SLC24A4: variants seen among roughly 807,000 people sequenced by gnomAD.
SLC24A4 encodes sodium/potassium/calcium exchanger 4.
Under a neutral mutation model 79.0 loss-of-function variants are expected in SLC24A4, and 53 were observed. The observed-to-expected ratio is 0.67, with a 90% CI of 0.54 to 0.84. SLC24A4 has a LOEUF of 0.84. Among genes scored for constraint, SLC24A4 ranks in the 40% least tolerant of loss-of-function variants. The probability of loss-of-function intolerance (pLI) is 0.00; values close to 1 mark genes in which losing one functional copy is unlikely to be tolerated. For missense variants in SLC24A4, 731 were observed against 822.0 expected, an observed-to-expected ratio of 0.89 and a Z score of 1.35; for synonymous variants, 323 against 323.8, an observed-to-expected ratio of 1.00 and a Z score of 0.03.
In SLC24A4 at chr14:92,500,456, C is replaced by A; in HGVS notation, c.*6828C>A. The A allele has an allele frequency of 6.6e-6, 1 of 152,354 alleles. No individual in the cohort carries two copies. 9.4% of individuals were successfully genotyped at this position (152,354 alleles called of 1,614,324 possible). ...TTCAATGGAAGAAGAGAGGACTTTT[C>A]CCCTCCTGAAAAATGACTGGAGTGT... On this transcript the variant is annotated 3_prime_UTR_variant, in exon 17 of 17. Coordinates refer to ENST00000532405, the MANE Select transcript of SLC24A4 (RefSeq NM_153646.4).
intron 3 of SLC24A4, among the ~76,000 whole-genome samples, chr14:92,434,628 A>G (rs1223548285): frequency 6.6e-6 from 1 of 152,166 alleles, no homozygotes; most frequent in Non-Finnish European, 1.5e-5. Flanking sequence ...CAACCAACCA[A>G]TACTTCACAG....
rs556905900 is a variant in SLC24A4 at position 92,360,168 on chromosome 14, C to T, written c.241+34190C>T. Among the ~76,000 whole-genome samples, 67 of 152,344 alleles carry T rather than the reference C, an allele frequency of 4.4e-4. 1 individual carries two copies. The South Asian group carries it at 9.3e-3, about 21-fold the overall frequency. Reference sequence around the variant, plus strand: ...TGATCTCTTGACCTCATAATCTGCCCACCTTGGCCTCCCAAAGTGCTGAGA... The same window carrying T: ...TGATCTCTTGACCTCATAATCTGCCTACCTTGGCCTCCCAAAGTGCTGAGA... On this transcript the variant is annotated intron_variant, in intron 2 of 16. Coordinates refer to ENST00000532405, the MANE Select transcript of SLC24A4 (RefSeq NM_153646.4).
At chr14:92,383,702 C>T (rs1215455068) in intron 2 of SLC24A4, among the ~76,000 whole-genome samples, 2 of 152,156 alleles carry the variant, frequency 1.3e-5, no homozygotes, top group South Asian at 2.1e-4. Flanking sequence ...GCAAGGTGAC[C>T]GGCACCGAAT....
chr14:92,431,994 G>A (rs113497559), intron 2 of SLC24A4, among the ~76,000 whole-genome samples: 6 of 152,278 alleles, frequency 3.9e-5, no homozygotes, highest in African/African-American at 9.6e-5. Flanking sequence ...CTTCCCTCTC[G>A]GAGCCTCACC....
At chr14:92,457,297 T>C (rs1214714711) in intron 12 of SLC24A4, 1 of 9,254 alleles carries the variant, frequency 1.1e-4, no homozygotes, top group East Asian at 1.7e-3. Flanking sequence ...ACACTGTCAT[T>C]CCTAGAACTG....
chr14:92,425,672 C>T (rs1484926868), intron 2 of SLC24A4, among the ~76,000 whole-genome samples: 5 of 152,164 alleles, frequency 3.3e-5, no homozygotes, highest in Non-Finnish European at 1.5e-5. Context: ...CTTCAGGGTT[C>T]TCCTCTTTAA....
At chr14:92,336,080 T>C (rs2141606238) in intron 2 of SLC24A4, among the ~76,000 whole-genome samples, 1 of 152,258 alleles carries the variant, frequency 6.6e-6, no homozygotes, top group African/African-American at 2.4e-5. Flanking sequence ...CCCCAACTTG[T>C]AGATTCTCCG....
intron 5 of SLC24A4, 148 bp from the exon 6 acceptor site, chr14:92,442,565 C>G (rs1195610809): frequency 1.6e-6 from 1 of 614,134 alleles, no homozygotes. Flanking sequence ...CTCCCTGGTT[C>G]TGCCACTGCT....
intron 2 of SLC24A4, among the ~76,000 whole-genome samples, chr14:92,355,164 T>G (rs1235882252): frequency 2.6e-5 from 4 of 152,078 alleles, no homozygotes; most frequent in Non-Finnish European, 5.9e-5. Flanking sequence ...GTGGGGTGGT[T>G]GAAATATCAT....
In SLC24A4 at chr14:92,467,610, A is replaced by G. The variant is rs755641998; in HGVS notation, c.1255+11002A>G. On this transcript the variant is annotated intron_variant, in intron 12 of 16. Transcript: ENST00000532405. ...CTTGCCCAAGGGACACTGTCGACCAAACAGAACCATCCAGGCCACTTGCCC... is the reference window on the plus strand; with the variant it reads ...CTTGCCCAAGGGACACTGTCGACCAGACAGAACCATCCAGGCCACTTGCCC... 4.2e-4 allele frequency among the ~76,000 whole-genome samples: 64 copies of G among 152,192 alleles called. 1 individual carries two copies. In the Middle Eastern group the frequency reaches 9.5e-3, roughly 23 times the overall value.
chr14:92,334,385 T>C (rs905541985), intron 2 of SLC24A4, among the ~76,000 whole-genome samples: 5 of 152,128 alleles, frequency 3.3e-5, no homozygotes, highest in African/African-American at 4.8e-5. Context: ...AAACAAAGGC[T>C]GAGGAAGATG....
At chr14:92,325,811 T>G (rs1885091728) in intron 1 of SLC24A4, 57 bp from the exon 2 acceptor site, 3 of 1,055,734 alleles carry the variant, frequency 2.8e-6, no homozygotes, top group Non-Finnish European at 1.4e-6. Context: ...AAGGTCATTT[T>G]GGAAACGCAG....
chr14:92,360,160 A>G lies in SLC24A4; in HGVS notation c.241+34182A>G, dbSNP rs537009041. On this transcript the variant is annotated intron_variant, in intron 2 of 16. Transcript: ENST00000532405. ...GATGGTCTTGATCTCTTGACCTCATAATCTGCCCACCTTGGCCTCCCAAAG... is the reference window on the plus strand; with the variant it reads ...GATGGTCTTGATCTCTTGACCTCATGATCTGCCCACCTTGGCCTCCCAAAG... Among the ~76,000 whole-genome samples, 39 of 152,320 alleles carry G rather than the reference A, an allele frequency of 2.6e-4. No homozygotes were observed. In the South Asian group the frequency reaches 5.2e-3, roughly 20 times the overall value.
chr14:92,366,426 C>T (rs1887843476), intron 2 of SLC24A4, among the ~76,000 whole-genome samples: 1 of 152,160 alleles, frequency 6.6e-6, no homozygotes, highest in African/African-American at 2.4e-5. Context: ...ACGGTAGCCT[C>T]GTTCAGCCAG....
At chr14:92,325,459 G>T (rs1885070705) in intron 1 of SLC24A4, among the ~76,000 whole-genome samples, 1 of 152,218 alleles carries the variant, frequency 6.6e-6, no homozygotes, top group South Asian at 2.1e-4. Flanking sequence ...GGAGCACTGG[G>T]CCAGACCGCA....
At chr14:92,376,359 G>A (rs764655757) in intron 2 of SLC24A4, among the ~76,000 whole-genome samples, 4 of 152,230 alleles carry the variant, frequency 2.6e-5, no homozygotes, top group Admixed American at 6.5e-5. Context: ...AGGAAGAGTG[G>A]AGCCCCTGCC....
rs1226882156 is a variant in SLC24A4, at chr14:92,497,024, C to A, written c.*3396C>A. The stretch of plus-strand genomic sequence containing the variant: ...CCATGTTGGCCAGGCTGGTCTCAAA[C>A]TCCTGACCTCAGGTGATCCACCCAC... On this transcript the variant is annotated 3_prime_UTR_variant, in exon 17 of 17. Transcript: ENST00000532405. The A allele has an allele frequency of 5.3e-5, 8 of 152,212 alleles. No individual in the cohort carries two copies. The allele number at this position is 152,212 out of a possible 1,614,324, so 9.4% of individuals were successfully genotyped here.
At chr14:92,453,749 G>A (rs1893287131) in intron 10 of SLC24A4, 151 bp from the exon 11 acceptor site, 8 of 729,650 alleles carry the variant, frequency 1.1e-5, no homozygotes, top group Admixed American at 3.8e-5. Context: ...GACATGAGGA[G>A]TTGAAGCCAG....
At chr14:92,465,499 C>CT (rs1462516479) in intron 12 of SLC24A4, among the ~76,000 whole-genome samples, 1 of 152,196 alleles carries the variant, frequency 6.6e-6, no homozygotes, top group East Asian at 1.9e-4. Context: ...AGGGTGGGGG[C>CT]TGTGGGAGTG....
Sources: gnomAD v4.1 joint callset for allele counts (sites outside exome capture counted in the v4.1 genomes callset) on GRCh38, gnomAD v4.1.1 for gene constraint, MANE v1.5 for transcripts, NCBI Gene and HGNC (gene_info 2026-07-23, HGNC 2026-07-21) for gene names.